PSD3: variants seen among roughly 807,000 people sequenced by gnomAD.
PSD3 encodes the protein PH and SEC7 domain-containing protein 3.
In PSD3, 49 loss-of-function variants were observed where a neutral mutation model predicts 105.5. That is an observed-to-expected ratio of 0.46 (90% confidence interval 0.37 to 0.59). The LOEUF is 0.59. Ranked by LOEUF, PSD3 falls within the 20% of genes least tolerant of loss-of-function variation. The pLI, the probability that PSD3 is intolerant of heterozygous loss-of-function variation, is 0.00. For missense variants in PSD3, 1,561 were observed against 1,263.8 expected (o/e 1.24, Z -3.57); for synonymous variants, 557 against 457.8 (o/e 1.22, Z -2.77).
chr8:18,538,914 A>C (rs1357667598), intron 15 of PSD3, among the ~76,000 whole-genome samples: 1 of 152,160 alleles, frequency 6.6e-6, no homozygotes, highest in Non-Finnish European at 1.5e-5. Flanking sequence ...AGCAGAAAAA[A>C]GGGGGTGAGA....
At chr8:19,029,151 T>C (rs1364948771) in intron 1 of PSD3, among the ~76,000 whole-genome samples, 5 of 152,220 alleles carry the variant, frequency 3.3e-5, no homozygotes, top group Non-Finnish European at 7.3e-5. Context: ...AGGTTCTTTG[T>C]ATGTCCAAAT....
chr8:18,941,827 C>T (rs993985062), intron 1 of PSD3, among the ~76,000 whole-genome samples: 1 of 147,182 alleles, frequency 6.8e-6, no homozygotes, highest in African/African-American at 2.6e-5. Context: ...CACGCATCAC[C>T]ATGCCTGGCT....
chr8:18,839,097 C>A (rs1054294324), intron 4 of PSD3, among the ~76,000 whole-genome samples: 19 of 151,918 alleles, frequency 1.3e-4, no homozygotes, highest in African/African-American at 4.6e-4. Context: ...ACTTCCTGCA[C>A]TGAGCTCTCT....
At chr8:18,731,120 G>A (rs529720744) in intron 9 of PSD3, among the ~76,000 whole-genome samples, 1 of 151,782 alleles carries the variant, frequency 6.6e-6, no homozygotes, top group Non-Finnish European at 1.5e-5. Context: ...GCTGGACGTG[G>A]GGGCGGGCAG....
At chr8:18,928,314 C>T (rs1821508678) in intron 2 of PSD3, among the ~76,000 whole-genome samples, 2 of 152,170 alleles carry the variant, frequency 1.3e-5, no homozygotes, top group South Asian at 4.1e-4. Flanking sequence ...TGTAAGACAT[C>T]CCTTTGCTCT....
intron 9 of PSD3, among the ~76,000 whole-genome samples, chr8:18,683,196 C>A (rs1800479902): frequency 4.6e-5 from 7 of 152,166 alleles, no homozygotes; most frequent in Admixed American, 3.3e-4. Flanking sequence ...GGCAGCATAG[C>A]ATCAGCACAT....
intron 8 of PSD3, among the ~76,000 whole-genome samples, chr8:18,771,789 C>T (rs1807559445): frequency 6.6e-6 from 1 of 152,226 alleles, no homozygotes; most frequent in Admixed American, 6.5e-5. Context: ...CAGTTCAGTA[C>T]TGTTTCACAT....
intron 1 of PSD3, among the ~76,000 whole-genome samples, chr8:19,072,323 G>A (rs1218350864): frequency 1.3e-5 from 2 of 151,898 alleles, no homozygotes; most frequent in Admixed American, 6.6e-5. Flanking sequence ...CTGAGCTCAC[G>A]TGATCCGCCC....
chr8:18,788,245 G>A (rs1190596650), intron 8 of PSD3, among the ~76,000 whole-genome samples: 2 of 152,166 alleles, frequency 1.3e-5, no homozygotes, highest in Non-Finnish European at 2.9e-5. Flanking sequence ...AAAATAAAGG[G>A]CACTTTCCCC....
chr8:18,616,825 G>A (rs900687973), intron 11 of PSD3, among the ~76,000 whole-genome samples: 1 of 151,140 alleles, frequency 6.6e-6, no homozygotes, highest in Non-Finnish European at 1.5e-5. Context: ...GGGTTTCACC[G>A]TTTTAGCCGG....
chr8:18,835,207 T>C (rs755870803), intron 4 of PSD3, among the ~76,000 whole-genome samples: 58 of 152,216 alleles, frequency 3.8e-4, no homozygotes, highest in Non-Finnish European at 6.9e-4. Context: ...TAAGCATTTA[T>C]TTTAAGAAAA....
chr8:18,919,905 A>ACACT (rs1158812437), intron 2 of PSD3, among the ~76,000 whole-genome samples: 2 of 150,476 alleles, frequency 1.3e-5, no homozygotes, highest in African/African-American at 4.9e-5. Flanking sequence ...ATGCTAGATG[A>ACACT]CGAGTTAGTG....
intron 1 of PSD3, among the ~76,000 whole-genome samples, chr8:19,070,654 G>A (rs1017233467): frequency 3.9e-5 from 6 of 152,096 alleles, no homozygotes; most frequent in Non-Finnish European, 8.8e-5. Flanking sequence ...CTGTAGCATG[G>A]GAGAGAAAGT....
chr8:19,058,045 T>C (rs1828769248), intron 1 of PSD3, among the ~76,000 whole-genome samples: 1 of 152,176 alleles, frequency 6.6e-6, no homozygotes, highest in Non-Finnish European at 1.5e-5. Flanking sequence ...AACATGTCTT[T>C]CAAAGGATGA....
At chr8:18,663,454 C>A (rs1051711259) in intron 9 of PSD3, among the ~76,000 whole-genome samples, 16 of 148,982 alleles carry the variant, frequency 1.1e-4, no homozygotes, top group Non-Finnish European at 1.6e-4. Context: ...AAAAAAAAAA[C>A]CGAATAAAAA....
chr8:18,920,701 C>G (rs540004047), intron 2 of PSD3, among the ~76,000 whole-genome samples: 25 of 152,230 alleles, frequency 1.6e-4, no homozygotes, highest in African/African-American at 6.0e-4. Flanking sequence ...ACAGGACATT[C>G]GAGGCCATAC....
intron 1 of PSD3, among the ~76,000 whole-genome samples, chr8:19,039,412 T>G (rs1828051092): frequency 6.6e-6 from 1 of 152,186 alleles, no homozygotes; most frequent in African/African-American, 2.4e-5. Context: ...GAATTTATCA[T>G]CTTCCATTAA....
Position 18,544,171 on chromosome 8 carries a change from C to CAAAAAAAAAAAAAAAAAAAAAAAAAAA in PSD3, c.2929-8240_2929-8214dup, listed in dbSNP as rs201016537. Among the ~76,000 whole-genome samples, 21 of 106,722 alleles carry CAAAAAAAAAAAAAAAAAAAAAAAAAAA rather than the reference C, an allele frequency of 2.0e-4. 1 individual carries two copies. Among genetic ancestry groups the CAAAAAAAAAAAAAAAAAAAAAAAAAAA allele is most frequent in the African/African-American group, 5.4e-4 (11 of 20,246 alleles). The allele number at this position is 106,722 out of a possible 152,430, so 70.0% of individuals were successfully genotyped here. On this transcript the variant is annotated intron_variant, in intron 15 of 15. Coordinates refer to ENST00000327040, the MANE Select transcript of PSD3 (RefSeq NM_015310.4). ...TACAATGGAAAACAAAGAAACAAAC[C>CAAAAAAAAAAAAAAAAAAAAAAAAAAA]AAAAAAAAAAAAAAAAAAAAAAAAA...
intron 9 of PSD3, among the ~76,000 whole-genome samples, chr8:18,671,495 A>G (rs1039726645): frequency 6.6e-6 from 1 of 152,210 alleles, no homozygotes; most frequent in African/African-American, 2.4e-5. Context: ...GATCTGAGTG[A>G]ATCACTTTCT....
Sources: gnomAD v4.1 joint callset for allele counts (sites outside exome capture counted in the v4.1 genomes callset) on GRCh38, gnomAD v4.1.1 for gene constraint, MANE v1.5 for transcripts, NCBI Gene and HGNC (gene_info 2026-07-23, HGNC 2026-07-21) for gene names.